Variants in ANKIB1 observed in about 807,000 individuals in gnomAD.
ANKIB1 encodes the protein ankyrin repeat and IBR domain containing 1.
Under a neutral mutation model 122.1 loss-of-function variants are expected in ANKIB1, and 43 were observed. The observed-to-expected ratio is 0.35, with a 90% CI of 0.28 to 0.45. ANKIB1 has a LOEUF of 0.45. Among genes scored for constraint, ANKIB1 ranks in the 20% least tolerant of loss-of-function variants. The pLI is 1.00. For synonymous variants in ANKIB1, 390 were observed against 442.0 expected, an observed-to-expected ratio of 0.88 and a Z score of 1.48; for missense variants, 992 against 1,329.5, an observed-to-expected ratio of 0.75 and a Z score of 3.95.
Position 92,399,572 on chromosome 7 carries a change from G to C in ANKIB1, c.*623G>C, listed in dbSNP as rs1585145447. On this transcript the variant is annotated 3_prime_UTR_variant, in exon 20 of 20. Transcript: ENST00000265742. ...CCAATTGTGCCAAACTCTTACTTGT[G>C]TGCTGACTAACAAGGCATTTAGGTG... 6.6e-6 allele frequency: 1 copy of C among 152,040 alleles called. No homozygotes were observed. The highest frequency in any genetic ancestry group is 6.6e-5 in the Admixed American group (1 of 15,248). 9.4% of individuals were successfully genotyped at this position (152,040 alleles called of 1,614,324 possible).
chr7:92,357,814 A>G (rs1406702984), intron 9 of ANKIB1, among the ~76,000 whole-genome samples: 2 of 152,144 alleles, frequency 1.3e-5, no homozygotes, highest in Non-Finnish European at 2.9e-5. Flanking sequence ...TTTTCTCAAA[A>G]TAACCTCTCT....
intron 4 of ANKIB1, among the ~76,000 whole-genome samples, chr7:92,320,508 G>A (rs1026699338): frequency 3.9e-5 from 6 of 152,010 alleles, no homozygotes; most frequent in African/African-American, 9.7e-5. Context: ...ATGTCTTCCC[G>A]GTCTCAATAA....
At chr7:92,260,767 CTTTA>C (rs1801545926) in intron 1 of ANKIB1, among the ~76,000 whole-genome samples, 1 of 151,452 alleles carries the variant, frequency 6.6e-6, no homozygotes, top group Admixed American at 6.6e-5. Flanking sequence ...TCCTTGCTGG[CTTTA>C]TTTGAGAAAG....
rs116300760 is a variant in ANKIB1, at chr7:92,377,459, A to C, written c.1617+5852A>C. ...TAATAATTTAAAAGTTTGAAACATT[A>C]TGAGAATTACCAAAATGTGACACAG... On this transcript the variant is annotated intron_variant, in intron 11 of 19. Coordinates refer to ENST00000265742, the MANE Select transcript of ANKIB1 (RefSeq NM_019004.2). 3.6e-3 allele frequency among the ~76,000 whole-genome samples: 541 copies of C among 152,340 alleles called. 4 individuals are homozygous for C. The highest frequency in any genetic ancestry group is 0.012 in the African/African-American group (511 of 41,578).
At chr7:92,250,350 G>A (rs772365783) in intron 1 of ANKIB1, among the ~76,000 whole-genome samples, 36 of 152,134 alleles carry the variant, frequency 2.4e-4, no homozygotes, top group Non-Finnish European at 4.4e-4. Context: ...CCGAGATCAC[G>A]CCATTGCACT....
At chr7:92,395,004 T>C (rs1418159843) in intron 17 of ANKIB1, among the ~76,000 whole-genome samples, 1 of 152,210 alleles carries the variant, frequency 6.6e-6, no homozygotes, top group Non-Finnish European at 1.5e-5. Context: ...TATTCTAGGG[T>C]AACCAGGATA....
intron 3 of ANKIB1, among the ~76,000 whole-genome samples, chr7:92,318,192 A>G (rs1223512059): frequency 3.9e-5 from 6 of 152,162 alleles, no homozygotes; most frequent in African/African-American, 7.2e-5. Flanking sequence ...GACTGTTACT[A>G]TATTATTATG....
chr7:92,398,222 C>T lies in ANKIB1; in HGVS notation c.2543C>T (p.Ser848Phe). The T allele has an allele frequency of 6.3e-7, 1 of 1,580,898 alleles. No homozygotes were observed. Among genetic ancestry groups the T allele is most frequent in the Non-Finnish European group, 8.6e-7 (1 of 1,165,268 alleles). Residue 848 changes from serine (S) to phenylalanine (F), a missense_variant, in exon 20 of 20, where the codon TCC becomes TTC. By Grantham distance (155) the Ser-to-Phe change is radical (BLOSUM62 -2). Transcript: ENST00000265742. ...ENQDSLQALS[S>F]LDEDDPNILL... ...TTTCTGTTGCTTCAGGCTCTGAGTTCCTTGGATGAAGACGATCCCAATATA... is the reference window on the plus strand; with the variant it reads ...TTTCTGTTGCTTCAGGCTCTGAGTTTCTTGGATGAAGACGATCCCAATATA...
chr7:92,289,718 T>C (rs568936667), intron 1 of ANKIB1, among the ~76,000 whole-genome samples: 2 of 152,358 alleles, frequency 1.3e-5, no homozygotes, highest in Admixed American at 1.3e-4. Context: ...CAATAATGCA[T>C]GTTGACTGGG....
intron 1 of ANKIB1, among the ~76,000 whole-genome samples, chr7:92,278,670 C>T (rs2131899569): frequency 6.6e-6 from 1 of 152,298 alleles, no homozygotes; most frequent in South Asian, 2.1e-4. Context: ...ACCAGAAAGA[C>T]ACATTATATT....
At chr7:92,349,112 A>T (rs1562789304) in intron 7 of ANKIB1, among the ~76,000 whole-genome samples, 1 of 152,230 alleles carries the variant, frequency 6.6e-6, no homozygotes, top group Non-Finnish European at 1.5e-5. Flanking sequence ...GAGCATGTTT[A>T]TTGTGCCCAA....
intron 5 of ANKIB1, among the ~76,000 whole-genome samples, chr7:92,340,830 C>G (rs1803421953): frequency 6.6e-6 from 1 of 152,158 alleles, no homozygotes; most frequent in East Asian, 1.9e-4. Flanking sequence ...ATAGGTAATT[C>G]ATAGAAGAGC....
chr7:92,347,413 C>G (rs1803564314), intron 7 of ANKIB1, among the ~76,000 whole-genome samples: 1 of 152,070 alleles, frequency 6.6e-6, no homozygotes, highest in Admixed American at 6.6e-5. Context: ...ATTGGACACC[C>G]CCTGCTTTAA....
intron 1 of ANKIB1, among the ~76,000 whole-genome samples, chr7:92,288,409 G>A (rs2131911054): frequency 6.6e-6 from 1 of 152,310 alleles, no homozygotes; most frequent in Middle Eastern, 3.4e-3. Flanking sequence ...TTGTTAAAAT[G>A]TTTGTTCTCC....
intron 11 of ANKIB1, among the ~76,000 whole-genome samples, chr7:92,380,234 T>C (rs1039931538): frequency 1.3e-5 from 2 of 151,988 alleles, no homozygotes; most frequent in Non-Finnish European, 2.9e-5. Flanking sequence ...GCTGGGAAGC[T>C]CAAACTGGGT....
At chr7:92,253,847 C>T (rs1241109837) in intron 1 of ANKIB1, among the ~76,000 whole-genome samples, 2 of 152,132 alleles carry the variant, frequency 1.3e-5, no homozygotes, top group African/African-American at 4.8e-5. Flanking sequence ...GGTAGGCATT[C>T]TTCTTTGCAG....
At chr7:92,337,937 GGGA>G (rs1212603968) in intron 5 of ANKIB1, among the ~76,000 whole-genome samples, 1 of 152,162 alleles carries the variant, frequency 6.6e-6, no homozygotes, top group East Asian at 1.9e-4. Flanking sequence ...CTGAAAAAAA[GGGA>G]GGAGATCATA....
chr7:92,319,000 G>A (rs1802850399), intron 3 of ANKIB1, among the ~76,000 whole-genome samples: 1 of 152,048 alleles, frequency 6.6e-6, no homozygotes, highest in Non-Finnish European at 1.5e-5. Flanking sequence ...AAAATTTAAA[G>A]TACTGAGTAA....
chr7:92,299,131 A>G (rs1002208973), intron 2 of ANKIB1, among the ~76,000 whole-genome samples: 3 of 152,240 alleles, frequency 2.0e-5, no homozygotes, highest in African/African-American at 7.2e-5. Context: ...TTTGTTGCTA[A>G]TGATAAAATT....
Sources: allele counts gnomAD v4.1 joint callset (sites outside exome capture counted in the v4.1 genomes callset), GRCh38; gene constraint gnomAD v4.1.1; transcripts MANE v1.5; gene names NCBI Gene and HGNC (gene_info 2026-07-23, HGNC 2026-07-21).